The following KLF12 variants were observed in gnomAD, a reference collection of about 807,000 sequenced individuals.
The protein encoded by KLF12 is KLF transcription factor 12.
A neutral mutation model predicts 37.8 loss-of-function variants in KLF12; 9 were observed. The observed-to-expected ratio is 0.24, with a 90% CI of 0.14 to 0.42. The LOEUF (loss-of-function observed/expected upper bound fraction) is 0.42. Among genes scored for constraint, KLF12 ranks in the 10% least tolerant of loss-of-function variants. The probability of loss-of-function intolerance (pLI) is 1.00; values close to 1 mark genes in which losing one functional copy is unlikely to be tolerated. For synonymous variants in KLF12, 208 were observed against 202.1 expected (o/e 1.03, Z -0.25); for missense variants, 411 against 516.0 (o/e 0.80, Z 1.97).
At chr13:74,036,369 G>A (rs1893245929) in intron 1 of KLF12, among the ~76,000 whole-genome samples, 1 of 152,058 alleles carries the variant, frequency 6.6e-6, no homozygotes, top group African/African-American at 2.4e-5. Flanking sequence ...CTGGAACAGG[G>A]AGGCTATGTA....
chr13:74,024,917 C>T (rs1166132235), intron 1 of KLF12, among the ~76,000 whole-genome samples: 2 of 152,126 alleles, frequency 1.3e-5, no homozygotes, highest in Non-Finnish European at 2.9e-5. Flanking sequence ...CAAACTTTAA[C>T]CACCCACTGT....
At chr13:73,867,405 C>G (rs199858405) in intron 3 of KLF12, among the ~76,000 whole-genome samples, 2 of 150,206 alleles carry the variant, frequency 1.3e-5, no homozygotes, top group Non-Finnish European at 3.0e-5. Context: ...TACATATATA[C>G]GTGTGTGTGT....
At chr13:73,975,123 T>A in intron 2 of KLF12, among the ~76,000 whole-genome samples, 1 of 152,216 alleles carries the variant, frequency 6.6e-6, no homozygotes, top group East Asian at 1.9e-4. Context: ...TAACTAAATA[T>A]TGAGTATGTA....
intron 2 of KLF12, among the ~76,000 whole-genome samples, chr13:73,948,908 ATGAAG>A (rs1890543170): frequency 6.6e-6 from 1 of 152,256 alleles, no homozygotes; most frequent in African/African-American, 2.4e-5. Context: ...ACACAGTGGC[ATGAAG>A]CAACAGTCAT....
intron 6 of KLF12, among the ~76,000 whole-genome samples, chr13:73,724,481 C>T (rs2137754116): frequency 6.6e-6 from 1 of 152,150 alleles, no homozygotes; most frequent in East Asian, 1.9e-4. Context: ...TAGTTTTCCA[C>T]TTGAGTCTGT....
At chr13:74,246,239 T>C in the KLF12 span, among the ~76,000 whole-genome samples, 8 of 152,334 alleles carry the variant, frequency 5.3e-5, no homozygotes, top group Admixed American at 4.6e-4. Context: ...TACCTGGTAC[T>C]AGGGTTTGAT....
At chr13:73,918,802 T>C (rs1379219710) in intron 3 of KLF12, among the ~76,000 whole-genome samples, 4 of 152,350 alleles carry the variant, frequency 2.6e-5, no homozygotes, top group Non-Finnish European at 4.4e-5. Flanking sequence ...CCCTAACTGC[T>C]ATTGTGAGGT....
At chr13:73,754,515 G>A (rs1879010739) in intron 6 of KLF12, among the ~76,000 whole-genome samples, 1 of 152,132 alleles carries the variant, frequency 6.6e-6, no homozygotes, top group South Asian at 2.1e-4. Flanking sequence ...TAGTTTAGTG[G>A]TGCTTCTGAG....
intron 1 of KLF12, among the ~76,000 whole-genome samples, chr13:74,015,352 A>C (rs1157453329): frequency 6.6e-6 from 1 of 152,202 alleles, no homozygotes; most frequent in Non-Finnish European, 1.5e-5. Context: ...ATTTTCTTCT[A>C]ATATAAATGA....
At position 73,810,501 on chromosome 13, in the gene KLF12, C is replaced by T. The variant is rs750638628; in HGVS notation, c.806+2651G>A. On this transcript the variant is annotated intron_variant, in intron 5 of 7. Transcript: ENST00000377669. ...GCCAGGATGCTCTTGATCTCCTGACCTTTTGATCCACCCACCTCAGCCTCC... is the reference window on the plus strand; with the variant it reads ...GCCAGGATGCTCTTGATCTCCTGACTTTTTGATCCACCCACCTCAGCCTCC... Among the ~76,000 whole-genome samples the T allele has an allele frequency of 3.8e-4, 58 of 151,962 alleles. 1 individual carries two copies. Among genetic ancestry groups the T allele is most frequent in the Middle Eastern group, 3.4e-3 (1 of 294 alleles).
At chr13:74,010,989 A>T (rs1892535753) in intron 1 of KLF12, among the ~76,000 whole-genome samples, 1 of 152,212 alleles carries the variant, frequency 6.6e-6, no homozygotes, top group Admixed American at 6.5e-5. Context: ...AGGTTTAAAA[A>T]TTTAATCTAT....
At chr13:74,275,877 TCTTCTTTCTTTCTTTC>T in the KLF12 span, among the ~76,000 whole-genome samples, 19 of 74,604 alleles carry the variant, frequency 2.5e-4, no homozygotes, top group African/African-American at 8.1e-4. Flanking sequence ...TATCTTTCTT[TCTTCTTTCTTTCTTTC>T]TTTCTTTCTT....
At chr13:73,915,731 G>C (rs140306948) in intron 3 of KLF12, among the ~76,000 whole-genome samples, 1 of 136,918 alleles carries the variant, frequency 7.3e-6, no homozygotes. Flanking sequence ...ACTAGGTTTC[G>C]CCGTGTTAGC....
intron 3 of KLF12, among the ~76,000 whole-genome samples, chr13:73,902,515 C>T (rs557873721): frequency 3.9e-5 from 6 of 152,166 alleles, no homozygotes; most frequent in Non-Finnish European, 7.4e-5. Context: ...GCTTACTGGG[C>T]TGCCAGGAAG....
At chr13:73,859,706 C>T (rs1885815168) in intron 3 of KLF12, among the ~76,000 whole-genome samples, 2 of 151,820 alleles carry the variant, frequency 1.3e-5, no homozygotes, top group South Asian at 4.2e-4. Flanking sequence ...ATAAGGACAA[C>T]AAAAATCCTT....
chr13:74,026,095 A>G (rs1000626772), intron 1 of KLF12, among the ~76,000 whole-genome samples: 1 of 152,090 alleles, frequency 6.6e-6, no homozygotes, highest in East Asian at 1.9e-4. Context: ...TTTTTATTAT[A>G]AAGATCGATT....
At chr13:73,995,374 G>A (rs915869500) in intron 1 of KLF12, among the ~76,000 whole-genome samples, 6 of 151,782 alleles carry the variant, frequency 4.0e-5, no homozygotes, top group Non-Finnish European at 5.9e-5. Context: ...AGAGACAGCT[G>A]AGGAGAAAAT....
At chr13:73,778,783 C>T (rs1465960940) in intron 5 of KLF12, among the ~76,000 whole-genome samples, 1 of 152,114 alleles carries the variant, frequency 6.6e-6, no homozygotes, top group Non-Finnish European at 1.5e-5. Context: ...CCCAAGGTCA[C>T]ATACCATGGT....
chr13:73,930,860 A>ATT (rs11432866), intron 3 of KLF12, among the ~76,000 whole-genome samples: 4,410 of 109,304 alleles, frequency 0.04, 182 homozygotes, highest in Non-Finnish European at 0.047. Context: ...AACTGGAAAC[A>ATT]TTTTTTTTTT....
Sources: allele counts gnomAD v4.1 joint callset (sites outside exome capture counted in the v4.1 genomes callset), GRCh38; gene constraint gnomAD v4.1.1; transcripts MANE v1.5; gene names NCBI Gene and HGNC (gene_info 2026-07-23, HGNC 2026-07-21).